The following ALCAM variants were observed in gnomAD, a reference collection of about 807,000 sequenced individuals.
The protein encoded by ALCAM is CD166 antigen.
Under a neutral mutation model 70.9 loss-of-function variants are expected in ALCAM, and 30 were observed. That is an observed-to-expected ratio of 0.42 (90% CI 0.32 to 0.57). The LOEUF (loss-of-function observed/expected upper bound fraction) is 0.57, where lower values mean the gene tolerates loss of function less well. Ranked by LOEUF, ALCAM falls within the 20% of genes least tolerant of loss-of-function variation. ALCAM has a pLI of 0.11. For missense variants in ALCAM, 591 were observed against 695.1 expected (o/e 0.85, Z 1.68); for synonymous variants, 249 against 242.5 (o/e 1.03, Z -0.25).
At chr3:105,456,576 C>T (rs1256832774) in intron 1 of ALCAM, among the ~76,000 whole-genome samples, 1 of 152,128 alleles carries the variant, frequency 6.6e-6, no homozygotes, top group East Asian at 1.9e-4. Flanking sequence ...TTACCTTGGA[C>T]TCCTCTTTAT....
At chr3:105,523,026 G>C (rs1357511226) in intron 2 of ALCAM, among the ~76,000 whole-genome samples, 1 of 151,386 alleles carries the variant, frequency 6.6e-6, no homozygotes, top group East Asian at 2.0e-4. Context: ...TGTAGTCCCA[G>C]CTACTCTGGA....
At chr3:105,464,956 G>A (rs1937673216) in intron 1 of ALCAM, among the ~76,000 whole-genome samples, 1 of 151,306 alleles carries the variant, frequency 6.6e-6, no homozygotes, top group Non-Finnish European at 1.5e-5. Flanking sequence ...CCTGTACCCA[G>A]CGCATAGAAA....
In ALCAM at chr3:105,368,047, C is replaced by A. The variant is rs146379340; in HGVS notation, c.73+566C>A. Among the ~76,000 whole-genome samples, 1,250 of 151,812 alleles carry A rather than the reference C, an allele frequency of 8.2e-3. 13 individuals carry two copies. The highest frequency in any genetic ancestry group is 0.028 in the African/African-American group (1,166 of 41,418). On this transcript the variant is annotated intron_variant, in intron 1 of 15. Coordinates refer to ENST00000306107, the MANE Select transcript of ALCAM (RefSeq NM_001627.4). Reference sequence around the variant, plus strand: ...TAAAATCGTGGTTTCAACGTTACCCCCTGCGGTCCCCGTCCATTGTCTGGG... The same window carrying A: ...TAAAATCGTGGTTTCAACGTTACCCACTGCGGTCCCCGTCCATTGTCTGGG...
At chr3:105,529,116 T>G (rs1454805815) in intron 3 of ALCAM, among the ~76,000 whole-genome samples, 1 of 152,172 alleles carries the variant, frequency 6.6e-6, no homozygotes, top group Non-Finnish European at 1.5e-5. Flanking sequence ...TGTGGCCCTA[T>G]TATAATATAG....
chr3:105,485,430 A>G (rs1172760715), intron 1 of ALCAM, among the ~76,000 whole-genome samples: 1 of 151,964 alleles, frequency 6.6e-6, no homozygotes, highest in Admixed American at 6.6e-5. Context: ...ACAGAGAGAA[A>G]GAGTCCACTG....
intron 1 of ALCAM, among the ~76,000 whole-genome samples, chr3:105,426,747 A>T (rs1387883066): frequency 6.6e-6 from 1 of 151,880 alleles, no homozygotes; most frequent in Admixed American, 6.6e-5. Context: ...TTAACTTCCT[A>T]TGCAACTAGG....
At chr3:105,454,802 G>A (rs941447326) in intron 1 of ALCAM, among the ~76,000 whole-genome samples, 2 of 151,426 alleles carry the variant, frequency 1.3e-5, no homozygotes, top group South Asian at 4.2e-4. Flanking sequence ...CCAAGTAGCT[G>A]GGACTACAAG....
At chr3:105,407,556 A>G (rs545644943) in intron 1 of ALCAM, among the ~76,000 whole-genome samples, 1 of 152,220 alleles carries the variant, frequency 6.6e-6, no homozygotes, top group South Asian at 2.1e-4. Context: ...AAATTGGCAG[A>G]GAAGGGATAT....
At chr3:105,445,062 A>T (rs1937261689) in intron 1 of ALCAM, among the ~76,000 whole-genome samples, 1 of 152,246 alleles carries the variant, frequency 6.6e-6, no homozygotes, top group Non-Finnish European at 1.5e-5. Flanking sequence ...TGCTATTTAT[A>T]ATGAGCTCAA....
chr3:105,500,466 T>C (rs1938889707), intron 1 of ALCAM, among the ~76,000 whole-genome samples: 1 of 152,298 alleles, frequency 6.6e-6, no homozygotes, highest in Non-Finnish European at 1.5e-5. Flanking sequence ...ATGGAGAAAA[T>C]GCTGATACAA....
intron 1 of ALCAM, among the ~76,000 whole-genome samples, chr3:105,369,916 G>C (rs938854199): frequency 6.6e-6 from 1 of 152,082 alleles, no homozygotes; most frequent in Non-Finnish European, 1.5e-5. Context: ...CAACATCCGA[G>C]ATAGCAATAT....
chr3:105,469,222 T>C (rs149272223), intron 1 of ALCAM, among the ~76,000 whole-genome samples: 1 of 151,342 alleles, frequency 6.6e-6, no homozygotes, highest in Non-Finnish European at 1.5e-5. Context: ...ATTCAATACT[T>C]TGTGACCACT....
intron 3 of ALCAM, among the ~76,000 whole-genome samples, chr3:105,526,453 A>T (rs189774760): frequency 4.6e-5 from 7 of 152,242 alleles, no homozygotes; most frequent in Admixed American, 2.0e-4. Context: ...TTGTGAAAAC[A>T]AACTCACACC....
intron 1 of ALCAM, among the ~76,000 whole-genome samples, chr3:105,391,903 C>T (rs760412147): frequency 6.6e-6 from 1 of 151,884 alleles, no homozygotes; most frequent in Admixed American, 6.6e-5. Flanking sequence ...GTTGAACCAG[C>T]CTTGCATCTG....
chr3:105,531,939 C>G (rs1160147512), intron 3 of ALCAM, 63 bp from the exon 4 acceptor site: 1 of 1,287,976 alleles, frequency 7.8e-7, no homozygotes, highest in African/African-American at 1.5e-5. Flanking sequence ...TGCTGTGAAT[C>G]AAATCACAGA....
rs1939049785 is a variant in ALCAM, at chr3:105,505,532, C to T, written c.74-14535C>T. Among the ~76,000 whole-genome samples the T allele has an allele frequency of 3.3e-5, 5 of 152,114 alleles. No homozygotes were observed. In the South Asian group the frequency reaches 1.0e-3, roughly 32 times the overall value. On this transcript the variant is annotated intron_variant, in intron 1 of 15. Coordinates refer to ENST00000306107, the MANE Select transcript of ALCAM (RefSeq NM_001627.4). Reference sequence around the variant, plus strand: ...ATGAGATTTGTGCAGGAACACAAATCCAAATCATATCATATGCCCAGCAGG... The same window carrying T: ...ATGAGATTTGTGCAGGAACACAAATTCAAATCATATCATATGCCCAGCAGG...
At position 105,495,208 on chromosome 3, in the gene ALCAM, C is replaced by T. The variant is rs368901627; in HGVS notation, c.74-24859C>T. On this transcript the variant is annotated intron_variant, in intron 1 of 15. Coordinates refer to ENST00000306107, the MANE Select transcript of ALCAM (RefSeq NM_001627.4). ...AAGCTATGTGGACTCTTTGGCACTG[C>T]ATATGATACCACATTCCACATCAGA... 4.5e-4 allele frequency among the ~76,000 whole-genome samples: 69 copies of T among 152,322 alleles called. No individual in the cohort carries two copies. The East Asian group carries it at 4.6e-3, about 10-fold the overall frequency.
intron 1 of ALCAM, among the ~76,000 whole-genome samples, chr3:105,434,661 G>A (rs1211461550): frequency 6.6e-6 from 1 of 151,962 alleles, no homozygotes; most frequent in Non-Finnish European, 1.5e-5. Context: ...AAATTGTCAG[G>A]ACACTAAAGT....
At chr3:105,481,322 G>T (rs1329148974) in intron 1 of ALCAM, among the ~76,000 whole-genome samples, 1 of 152,036 alleles carries the variant, frequency 6.6e-6, no homozygotes, top group Non-Finnish European at 1.5e-5. Context: ...CTTACTCACT[G>T]ATTGCAAGCA....
Sources: gnomAD v4.1 joint callset for allele counts (sites outside exome capture counted in the v4.1 genomes callset) on GRCh38, gnomAD v4.1.1 for gene constraint, MANE v1.5 for transcripts, NCBI Gene and HGNC (gene_info 2026-07-23, HGNC 2026-07-21) for gene names.